Variants in SLCO1A2 observed in about 807,000 individuals in gnomAD.
The protein encoded by SLCO1A2 is OATP-1.
In SLCO1A2, 67 loss-of-function variants were observed where a neutral mutation model predicts 69.0. That is an observed-to-expected ratio of 0.97 (90% CI 0.80 to 1.19). The LOEUF is 1.19. Among genes scored for constraint, SLCO1A2 ranks in the 50% most tolerant of loss-of-function variants. The probability of loss-of-function intolerance (pLI) is 0.00; values close to 1 mark genes in which losing one functional copy is unlikely to be tolerated. For synonymous variants in SLCO1A2, 260 were observed against 265.9 expected (o/e 0.98, Z 0.22); for missense variants, 787 against 793.7 (o/e 0.99, Z 0.10).
At chr12:21,330,338 AAAAT>A (rs151247881) in intron 2 of SLCO1A2, among the ~76,000 whole-genome samples, 9 of 151,502 alleles carry the variant, frequency 5.9e-5, no homozygotes, top group Admixed American at 2.0e-4. Context: ...TAAATAATAC[AAAAT>A]AAATAAATAA....
intron 2 of SLCO1A2, among the ~76,000 whole-genome samples, chr12:21,365,319 G>A (rs1042458240): frequency 2.0e-5 from 3 of 152,094 alleles, no homozygotes; most frequent in Non-Finnish European, 2.9e-5. Context: ...TTTAATAAAC[G>A]GTGCTGGGAA....
At chr12:21,283,545 T>C (rs767410734) in intron 12 of SLCO1A2, among the ~76,000 whole-genome samples, 2 of 149,894 alleles carry the variant, frequency 1.3e-5, no homozygotes, top group Admixed American at 6.6e-5. Flanking sequence ...CAGGCACAGA[T>C]AACTAATGAA....
chr12:21,345,696 T>C (rs1953229802), intron 2 of SLCO1A2, among the ~76,000 whole-genome samples: 1 of 152,140 alleles, frequency 6.6e-6, no homozygotes, highest in South Asian at 2.1e-4. Flanking sequence ...TTATGCTTTC[T>C]TAAGTAAGTA....
intron 2 of SLCO1A2, among the ~76,000 whole-genome samples, chr12:21,323,616 C>T (rs932489110): frequency 6.6e-6 from 1 of 152,024 alleles, no homozygotes; most frequent in Non-Finnish European, 1.5e-5. Context: ...AAATACATAT[C>T]TATCTATCTG....
intron 2 of SLCO1A2, among the ~76,000 whole-genome samples, chr12:21,362,807 C>T (rs1013109779): frequency 6.6e-6 from 1 of 152,290 alleles, no homozygotes; most frequent in South Asian, 2.1e-4. Context: ...AAGGCCATTA[C>T]ATAATGGTAA....
upstream of SLCO1A2, among the ~76,000 whole-genome samples, chr12:21,418,616 G>A (rs1050455100): frequency 2.0e-5 from 3 of 152,084 alleles, no homozygotes; most frequent in African/African-American, 7.2e-5. Context: ...GATCTCATGA[G>A]ACTTATTCAC....
At chr12:21,395,803 G>C (rs968356944), upstream of SLCO1A2, among the ~76,000 whole-genome samples, 2 of 152,170 alleles carry the variant, frequency 1.3e-5, no homozygotes, top group African/African-American at 4.8e-5. Context: ...CAGACCTGCA[G>C]CTGAGGGTCC....
chr12:21,361,452 C>A (rs1443455600), intron 2 of SLCO1A2, among the ~76,000 whole-genome samples: 1 of 152,116 alleles, frequency 6.6e-6, no homozygotes, highest in Non-Finnish European at 1.5e-5. Context: ...AGCAGAAAAG[C>A]TGAAAATTCT....
At chr12:21,313,947 G>A (rs1950532989) in intron 4 of SLCO1A2, among the ~76,000 whole-genome samples, 1 of 148,254 alleles carries the variant, frequency 6.7e-6, no homozygotes, top group African/African-American at 2.5e-5. Context: ...CTAGGTGACA[G>A]AGCAAGACTG....
At chr12:21,372,513 T>C (rs564039902) in intron 2 of SLCO1A2, among the ~76,000 whole-genome samples, 4 of 152,308 alleles carry the variant, frequency 2.6e-5, no homozygotes, top group South Asian at 4.1e-4. Flanking sequence ...GATTCAGCCA[T>C]TGAGGTCACT....
At chr12:21,372,571 G>T (rs974942892) in intron 2 of SLCO1A2, among the ~76,000 whole-genome samples, 4 of 152,208 alleles carry the variant, frequency 2.6e-5, no homozygotes, top group African/African-American at 7.2e-5. Context: ...TTGCATATAT[G>T]CACATTTGTT....
At chr12:21,373,392 C>G (rs1367248248) in intron 2 of SLCO1A2, 2 of 1,613,628 alleles carry the variant, frequency 1.2e-6, no homozygotes, top group East Asian at 4.5e-5. Flanking sequence ...ATTGTGCTCT[C>G]TGTTGCATTG....
At chr12:21,306,620 C>G (rs1172758965) in intron 5 of SLCO1A2, among the ~76,000 whole-genome samples, 1 of 152,152 alleles carries the variant, frequency 6.6e-6, no homozygotes, top group Non-Finnish European at 1.5e-5. Context: ...AGCCACTGCA[C>G]CCGGCCCTTT....
chr12:21,373,635 C>T (rs1270371633), intron 2 of SLCO1A2: 2 of 700,822 alleles, frequency 2.9e-6, no homozygotes, highest in East Asian at 5.4e-5. Context: ...GATGGAACTT[C>T]TGACAGACAG....
chr12:21,318,728 G>T, intron 3 of SLCO1A2, 54 bp downstream of exon 3: 1 of 1,476,438 alleles, frequency 6.8e-7, no homozygotes, highest in East Asian at 2.3e-5. Context: ...ATTCAGACTA[G>T]CTCCACAGAT....
intron 2 of SLCO1A2, among the ~76,000 whole-genome samples, chr12:21,354,524 A>AT (rs1938209037): frequency 6.6e-6 from 1 of 151,996 alleles, no homozygotes; most frequent in African/African-American, 2.4e-5. Context: ...AAAAAAATCA[A>AT]TTTTTTCCGT....
chr12:21,268,629 C>T lies in SLCO1A2; in HGVS notation c.*919G>A, dbSNP rs965994533. The T allele has an allele frequency of 2.6e-5, 4 of 151,998 alleles. No individual in the cohort carries two copies. Among genetic ancestry groups the T allele is most frequent in the African/African-American group, 9.7e-5 (4 of 41,408 alleles). 9.4% of individuals were successfully genotyped at this position (151,998 alleles called of 1,614,324 possible). ...CCTTAGCCTTTACTAACCTCTGTTT[C>T]ATAACAGAAGCTATTGTCTAAGATT... On this transcript the variant is annotated 3_prime_UTR_variant, in exon 15 of 15. Coordinates refer to ENST00000683939, the MANE Select transcript of SLCO1A2 (RefSeq NM_001386879.1).
intron 3 of SLCO1A2, 132 bp downstream of exon 3, chr12:21,318,650 A>G: frequency 1.6e-6 from 1 of 637,300 alleles, no homozygotes. Context: ...TTAGCTAATC[A>G]GTTAGTTTTA....
chr12:21,282,724 TAAAC>T (rs779083625), intron 12 of SLCO1A2, among the ~76,000 whole-genome samples: 4 of 152,182 alleles, frequency 2.6e-5, no homozygotes, highest in East Asian at 3.9e-4. Flanking sequence ...TTCAAAATGA[TAAAC>T]AAATTCAGTA....
Sources: gnomAD v4.1 joint callset for allele counts (sites outside exome capture counted in the v4.1 genomes callset) on GRCh38, gnomAD v4.1.1 for gene constraint, MANE v1.5 for transcripts, NCBI Gene and HGNC (gene_info 2026-07-23, HGNC 2026-07-21) for gene names.